DMAP1: variants seen among roughly 807,000 people sequenced by gnomAD.
DMAP1 encodes the protein DNA methyltransferase 1 associated protein 1.
A neutral mutation model predicts 52.7 loss-of-function variants in DMAP1; 26 were observed. The observed-to-expected ratio is 0.49, with a 90% CI of 0.36 to 0.68. The LOEUF (loss-of-function observed/expected upper bound fraction) is 0.68, where lower values mean the gene tolerates loss of function less well. DMAP1 is among the 30% of genes least tolerant of loss of function. The pLI is 0.00. For synonymous variants in DMAP1, 231 were observed against 246.0 expected, an observed-to-expected ratio of 0.94 and a Z score of 0.57; for missense variants, 439 against 625.2, an observed-to-expected ratio of 0.70 and a Z score of 3.18.
At chr1:44,219,586 G>A (rs1015293659) in intron 7 of DMAP1, 109 bp downstream of exon 7, 11 of 1,248,188 alleles carry the variant, frequency 8.8e-6, no homozygotes, top group African/African-American at 3.0e-5. Flanking sequence ...AGAGATTGCT[G>A]CAGACAGAGG....
At chr1:44,216,190 GA>G (rs1315346750) in intron 3 of DMAP1, 1 of 151,930 alleles carries the variant, frequency 6.6e-6, no homozygotes, top group Non-Finnish European at 1.5e-5. Context: ...ACTTGACTAT[GA>G]GCTACTTGAG....
rs1336700810 is a variant in DMAP1 at position 44,218,350 on chromosome 1, C to CT, written c.436dup (p.Tyr146LeufsTer5). On this transcript the variant is annotated frameshift_variant, in exon 4 of 10. Coordinates refer to ENST00000372289, the MANE Select transcript of DMAP1 (RefSeq NM_019100.5). LOFTEE classifies it high-confidence loss of function. The surrounding 1 kb of genome is among the most constrained non-coding windows in gnomAD (Gnocchi z 5.6). ...TGTGTACTCGGAGCAGGAGTACCAG[C>CT]TTTATCTCCACGATGATGCTTGGAC... is the stretch of plus-strand genomic sequence containing the variant. 1.9e-5 allele frequency: 30 copies of CT among 1,614,114 alleles called. No individual in the cohort carries two copies. The highest frequency in any genetic ancestry group is 2.5e-5 in the Non-Finnish European group (30 of 1,180,046).
chr1:44,218,474 G>T lies in DMAP1; in HGVS notation c.552+5G>T. 1 of 1,613,928 alleles carries T rather than the reference G, an allele frequency of 6.2e-7. No individual in the cohort carries two copies. Among genetic ancestry groups the T allele is most frequent in the Non-Finnish European group, 8.5e-7 (1 of 1,179,790 alleles). On this transcript the variant is annotated splice_donor_5th_base_variant and intron_variant, in intron 4 of 9. Transcript: ENST00000372289. The surrounding 1 kb of genome is among the most constrained non-coding windows in gnomAD (Gnocchi z 5.6). ...TATGACCACCAGCAGTTCAAGGTGA[G>T]CCATTGTGTATTTGCATGGGTGCCC...
At chr1:44,214,100 T>C (rs1004209386) in intron 1 of DMAP1, among the ~76,000 whole-genome samples, 1 of 152,204 alleles carries the variant, frequency 6.6e-6, no homozygotes, top group Non-Finnish European at 1.5e-5. Flanking sequence ...GCAAGTGTGA[T>C]TTTTGCAAGA....
In DMAP1 at chr1:44,214,739, G is replaced by A; in HGVS notation, c.234G>A (p.Gln78=). Residue 78 remains glutamine, a synonymous_variant, in exon 3 of 10, where the codon CAG becomes CAA. Transcript: ENST00000372289. The part of the protein sequence containing the change: ...APPLLPSDTG[Q]GYRTVKAKLG... Reference sequence around the variant, plus strand: ...CACTGCTACCCAGTGACACTGGCCAGGGATACCGTACAGTGAAGGCCAAGT... The same window carrying A: ...CACTGCTACCCAGTGACACTGGCCAAGGATACCGTACAGTGAAGGCCAAGT... 1 of 1,613,378 alleles carries A rather than the reference G, an allele frequency of 6.2e-7. No homozygotes were observed. The highest frequency in any genetic ancestry group is 8.5e-7 in the Non-Finnish European group (1 of 1,179,432).
rs148699903 is a variant in DMAP1, at chr1:44,213,894, G to A, written c.105+36G>A. On this transcript the variant is annotated intron_variant, in intron 1 of 9. Coordinates refer to ENST00000372289, the MANE Select transcript of DMAP1 (RefSeq NM_019100.5). This position sits in a 1 kb window ranked among gnomAD's most constrained non-coding sequence, Gnocchi z 4.5. ...CACCTGAAAGCGTTGACTAGGGGAGGGTAGGGGAGTGAAGATGGGGAGGAG... is the reference window on the plus strand; with the variant it reads ...CACCTGAAAGCGTTGACTAGGGGAGAGTAGGGGAGTGAAGATGGGGAGGAG... The A allele has an allele frequency of 1.9e-4, 289 of 1,547,262 alleles. 1 individual carries two copies. The Middle Eastern group carries it at 3.3e-3, about 18-fold the overall frequency.
intron 3 of DMAP1, chr1:44,216,293 G>C (rs562053477): frequency 1.3e-5 from 2 of 151,926 alleles, no homozygotes; most frequent in Non-Finnish European, 2.9e-5. Flanking sequence ...GCAGTGGTGT[G>C]ATCTCAGCTC....
rs756647722 is a variant in DMAP1, at chr1:44,218,647, C to T, written c.612C>T (p.Asn204=). 1.2e-5 allele frequency: 19 copies of T among 1,613,894 alleles called. No individual in the cohort carries two copies. Among genetic ancestry groups the T allele is most frequent in the Admixed American group, 8.3e-5 (5 of 59,994 alleles). ...RYYHICAKLA[N]VRAVPGTDLK... ...ACCACATCTGTGCTAAGCTTGCCAA[C>T]GTGCGGGCTGTGCCAGGCACAGACC... is the stretch of plus-strand genomic sequence containing the variant. The change falls in exon 5 of 10, where the codon AAC becomes AAT. Residue 204 remains asparagine, a synonymous_variant. Transcript: ENST00000372289. The surrounding 1 kb of genome is among the most constrained non-coding windows in gnomAD (Gnocchi z 5.6).
At position 44,219,125 on chromosome 1, in the gene DMAP1, C is replaced by T. The variant is rs751562389; in HGVS notation, c.790C>T (p.Arg264Cys). ...IEARKKEREK[R>C]SQDLQKLITA... ...GGCCCGGAAGAAGGAGCGGGAGAAA[C>T]GCAGCCAGGACCTGCAGAAGCTGAT... is the stretch of plus-strand genomic sequence containing the variant. The change falls in exon 6 of 10, where the codon CGC becomes TGC. Residue 264 changes from arginine (R) to cysteine (C), a missense_variant. Arg to Cys is a radical substitution (Grantham distance 180). Around this residue, in one of 3 missense-constraint regions of DMAP1, gnomAD observed 179 missense variants for 285.9 expected, o/e 0.63. Transcript: ENST00000372289. 1.1e-5 allele frequency: 17 copies of T among 1,614,062 alleles called. No individual in the cohort carries two copies. Among genetic ancestry groups the T allele is most frequent in the Admixed American group, 1.7e-5 (1 of 60,010 alleles).
Position 44,218,891 on chromosome 1 carries a change from C to T in DMAP1, c.720+136C>T, listed in dbSNP as rs996851726. 34 of 1,404,826 alleles carry T rather than the reference C, an allele frequency of 2.4e-5. No individual in the cohort carries two copies. The highest frequency in any genetic ancestry group is 2.7e-5 in the Non-Finnish European group (28 of 1,033,724). The allele number at this position is 1,404,826 out of a possible 1,614,324, so 87.0% of individuals were successfully genotyped here. On this transcript the variant is annotated intron_variant, in intron 5 of 9. Coordinates refer to ENST00000372289, the MANE Select transcript of DMAP1 (RefSeq NM_019100.5). This position sits in a 1 kb window ranked among gnomAD's most constrained non-coding sequence, Gnocchi z 5.6. ...CCTTATTAACTGCCCCAAGCCCATT[C>T]CTACTTCTCATGGGCCATCCCCCCT...
intron 3 of DMAP1, chr1:44,215,242 A>T: frequency 2.1e-6 from 1 of 484,210 alleles, no homozygotes; most frequent in South Asian, 1.5e-5. Context: ...CAAGTCACCA[A>T]TCCAGAGCAG....
intron 7 of DMAP1, 26 bp from the exon 8 acceptor site, chr1:44,219,780 G>A: frequency 2.5e-6 from 4 of 1,613,420 alleles, no homozygotes; most frequent in Non-Finnish European, 3.4e-6. Flanking sequence ...GCTGGGACAG[G>A]CTTAGCTTGC....
At position 44,219,116 on chromosome 1, in the gene DMAP1, C is replaced by A. The variant is rs138578742; in HGVS notation, c.781C>A (p.Arg261=). Residue 261 remains arginine (R), a synonymous_variant, in exon 6 of 10, where the codon CGG becomes AGG. Transcript: ENST00000372289. The stretch of plus-strand genomic sequence containing the variant: ...CAAGATTGAGGCCCGGAAGAAGGAG[C>A]GGGAGAAACGCAGCCAGGACCTGCA... ...LRKIEARKKE[R]EKRSQDLQKL... is the part of the protein sequence containing the mutation. The A allele has an allele frequency of 6.2e-7, 1 of 1,614,142 alleles. No homozygotes were observed. The highest frequency in any genetic ancestry group is 8.5e-7 in the Non-Finnish European group (1 of 1,180,034).
At position 44,219,181 on chromosome 1, in the gene DMAP1, G is replaced by A. The variant is rs774115637; in HGVS notation, c.846G>A (p.Arg282=). The A allele has an allele frequency of 6.2e-7, 1 of 1,614,190 alleles. No individual in the cohort carries two copies. Among genetic ancestry groups the A allele is most frequent in the Admixed American group, 1.7e-5 (1 of 60,026 alleles). Residue 282 remains arginine (R), a synonymous_variant, in exon 6 of 10, where the codon CGG becomes CGA. Coordinates refer to ENST00000372289, the MANE Select transcript of DMAP1 (RefSeq NM_019100.5). The part of the protein sequence containing the change: ...ITAADTTAEQ[R]RTERKAPKKK... ...CGGCAGACACCACTGCAGAGCAGCG[G>A]CGCACGGAACGCAAGGCCCCCAAAA...
intron 3 of DMAP1, chr1:44,215,221 T>G: frequency 2.0e-6 from 1 of 497,222 alleles, no homozygotes; most frequent in Non-Finnish European, 3.9e-6. Context: ...TGGCTTCAGT[T>G]ACCCTCTCTA....
chr1:44,217,246 G>C (rs1460556595), intron 3 of DMAP1: 1 of 152,236 alleles, frequency 6.6e-6, no homozygotes, highest in African/African-American at 2.4e-5. Context: ...AAACAGCACT[G>C]GTTTGCAGAC....
rs1643875738 is a variant in DMAP1 at position 44,220,041 on chromosome 1, A to C, written c.1076A>C (p.Glu359Ala). The change falls in exon 9 of 10, where the codon GAG becomes GCG. Residue 359 changes from glutamate to alanine, a missense_variant. Coordinates refer to ENST00000372289, the MANE Select transcript of DMAP1 (RefSeq NM_019100.5). ...GAGCTGAGCCCGACACCTACGGAGGAGCTGGTGCACATGTTCAATGAGCTG... is the reference window on the plus strand; with the variant it reads ...GAGCTGAGCCCGACACCTACGGAGGCGCTGGTGCACATGTTCAATGAGCTG... ...GVELSPTPTE[E>A]LVHMFNELRS... 1 of 1,601,870 alleles carries C rather than the reference A, an allele frequency of 6.2e-7. No individual in the cohort carries two copies.
At chr1:44,215,124 C>T (rs758715668) in intron 3 of DMAP1, 106 of 669,128 alleles carry the variant, frequency 1.6e-4, no homozygotes, top group Admixed American at 2.9e-4. Context: ...CATGGCTTTT[C>T]TTGGTCTTTC....
chr1:44,218,966 C>T lies in DMAP1; in HGVS notation c.721-90C>T, dbSNP rs1643849981. ...TCATGATCCATTACTTCTCAGATTC[C>T]CTCACAGACAGCCCAGCACCCTGTC... On this transcript the variant is annotated intron_variant, in intron 5 of 9. Transcript: ENST00000372289. This position sits in a 1 kb window ranked among gnomAD's most constrained non-coding sequence, Gnocchi z 5.6. 6.6e-7 allele frequency: 1 copy of T among 1,518,724 alleles called. No homozygotes were observed. Among genetic ancestry groups the T allele is most frequent in the African/African-American group, 1.4e-5 (1 of 72,498 alleles). 94.1% of individuals were successfully genotyped at this position (1,518,724 alleles called of 1,614,324 possible).
Sources: gnomAD v4.1 joint callset for allele counts (sites outside exome capture counted in the v4.1 genomes callset) on GRCh38, gnomAD v4.1.1 for gene constraint, gnomAD v4.1.1 regional missense constraint, Gnocchi (gnomAD v3.1) non-coding constraint, MANE v1.5 for transcripts, NCBI Gene and HGNC (gene_info 2026-07-23, HGNC 2026-07-21) for gene names.